Variants in SPOCK2 observed in about 807,000 individuals in gnomAD.
The protein encoded by SPOCK2 is testican-2.
Under a neutral mutation model 60.1 loss-of-function variants are expected in SPOCK2, and 39 were observed. The ratio of observed to expected loss-of-function variants is 0.65; its 90% CI spans 0.50 to 0.85. The LOEUF is 0.85. SPOCK2 is among the 40% of genes least tolerant of loss of function. SPOCK2 has a pLI of 0.00. For missense variants in SPOCK2, 523 were observed against 567.4 expected, an observed-to-expected ratio of 0.92 and a Z score of 0.80; for synonymous variants, 217 against 231.5, an observed-to-expected ratio of 0.94 and a Z score of 0.57.
chr10:72,075,850 G>C (rs1840708616), intron 1 of SPOCK2, among the ~76,000 whole-genome samples: 1 of 152,182 alleles, frequency 6.6e-6, no homozygotes, highest in Non-Finnish European at 1.5e-5. Context: ...GGGACGAGGA[G>C]AGCAGGGCCC....
At chr10:72,072,391 C>T (rs1252939659) in intron 3 of SPOCK2, 112 bp downstream of exon 3, 3 of 1,534,818 alleles carry the variant, frequency 2.0e-6, no homozygotes, top group African/African-American at 2.7e-5. Context: ...GAGTCCCATC[C>T]CCACCGGGGC....
chr10:72,070,222 C>T, intron 5 of SPOCK2, 90 bp downstream of exon 5: 1 of 1,309,672 alleles, frequency 7.6e-7, no homozygotes, highest in Non-Finnish European at 1.1e-6. Flanking sequence ...CCTGGAAACC[C>T]CTCCGGAGGC....
rs894645084 is a variant in SPOCK2, at chr10:72,060,133, T to C, written c.*2627A>G. Reference sequence around the variant, plus strand: ...CTGAGGAAGGACCGATCTGCAACCTTGCTCATGAGGAAACCTTAACCTTGT... The same window carrying C: ...CTGAGGAAGGACCGATCTGCAACCTCGCTCATGAGGAAACCTTAACCTTGT... On this transcript the variant is annotated 3_prime_UTR_variant, in exon 11 of 11. Coordinates refer to ENST00000373109, the MANE Select transcript of SPOCK2 (RefSeq NM_001244950.2). 1 of 152,162 alleles carries C rather than the reference T, an allele frequency of 6.6e-6. No individual in the cohort carries two copies. The highest frequency in any genetic ancestry group is 2.4e-5 in the African/African-American group (1 of 41,426). The allele number at this position is 152,162 out of a possible 1,614,324, so 9.4% of individuals were successfully genotyped here.
At chr10:72,068,326 G>A in intron 5 of SPOCK2, 25 bp from the exon 6 acceptor site, 1 of 1,579,186 alleles carries the variant, frequency 6.3e-7, no homozygotes, top group Non-Finnish European at 8.6e-7. Flanking sequence ...AGGTGGAACA[G>A]GGGACTGAGG....
chr10:72,088,037 G>A, intron 1 of SPOCK2, 103 bp downstream of exon 1: 1 of 1,417,924 alleles, frequency 7.1e-7, no homozygotes, highest in South Asian at 1.3e-5. Flanking sequence ...CCAGGCTGCG[G>A]AGCCTCGGGC....
intron 9 of SPOCK2, among the ~76,000 whole-genome samples, chr10:72,063,469 T>A (rs1317621328): frequency 6.6e-6 from 1 of 152,250 alleles, no homozygotes; most frequent in Non-Finnish European, 1.5e-5. Flanking sequence ...GGACAGCCAG[T>A]CTGACTTCAC....
rs1418636332 is a variant in SPOCK2, at chr10:72,087,921, T to C, written c.189+219A>G. Among the ~76,000 whole-genome samples, 1 of 145,450 alleles carries C rather than the reference T, an allele frequency of 6.9e-6. No homozygotes were observed. Among genetic ancestry groups the C allele is most frequent in the South Asian group, 2.2e-4 (1 of 4,452 alleles). ...CGTCGGGCAGGTGTGGAGCTGGGGG[T>C]CCCGGGGCTGGGGGGTCCCAGGGCC... is the stretch of plus-strand genomic sequence containing the variant. On this transcript the variant is annotated intron_variant, in intron 1 of 10. Transcript: ENST00000373109. The surrounding 1 kb of genome is among the most constrained non-coding windows in gnomAD (Gnocchi z 4.7).
chr10:72,064,435 G>A (rs1840540643), intron 8 of SPOCK2, among the ~76,000 whole-genome samples, 195 bp from the exon 9 acceptor site: 1 of 152,154 alleles, frequency 6.6e-6, no homozygotes, highest in Non-Finnish European at 1.5e-5. Flanking sequence ...CTCTATTTAG[G>A]GGAGCTCATT....
intron 8 of SPOCK2, among the ~76,000 whole-genome samples, chr10:72,064,714 G>A (rs1353445451): frequency 6.6e-6 from 1 of 152,082 alleles, no homozygotes; most frequent in African/African-American, 2.4e-5. Context: ...GCTTAGTTAT[G>A]TTTATTTTTT....
At chr10:72,077,067 C>T (rs1564549561) in intron 1 of SPOCK2, among the ~76,000 whole-genome samples, 1 of 152,162 alleles carries the variant, frequency 6.6e-6, no homozygotes, top group Non-Finnish European at 1.5e-5. Context: ...GTCACTTCCT[C>T]GTTGTTGAGG....
chr10:72,075,926 G>A (rs1360039135), intron 1 of SPOCK2, among the ~76,000 whole-genome samples: 1 of 152,180 alleles, frequency 6.6e-6, no homozygotes, highest in Non-Finnish European at 1.5e-5. Flanking sequence ...CGACCTCGAG[G>A]GGCTCAGTGC....
chr10:72,076,149 C>A (rs1031186951), intron 1 of SPOCK2, among the ~76,000 whole-genome samples: 3 of 151,976 alleles, frequency 2.0e-5, no homozygotes, highest in Admixed American at 6.5e-5. Context: ...AGAAGGGATA[C>A]GAGGAGAGTC....
At chr10:72,076,872 G>A (rs1290203119) in intron 1 of SPOCK2, among the ~76,000 whole-genome samples, 2 of 152,212 alleles carry the variant, frequency 1.3e-5, no homozygotes, top group Non-Finnish European at 2.9e-5. Flanking sequence ...GGCCAGAGAT[G>A]GCAAGACAAA....
chr10:72,072,590 A>C, intron 2 of SPOCK2, 42 bp from the exon 3 acceptor site: 1 of 1,613,096 alleles, frequency 6.2e-7, no homozygotes. Context: ...AAAGGCTAAG[A>C]TCCATATCCC....
chr10:72,069,448 G>C (rs546112176), intron 5 of SPOCK2, among the ~76,000 whole-genome samples: 1 of 150,444 alleles, frequency 6.6e-6, no homozygotes, highest in Admixed American at 6.6e-5. Context: ...TTCATTATCA[G>C]CACCTGCATT....
intron 1 of SPOCK2, among the ~76,000 whole-genome samples, chr10:72,076,020 C>CTGCTA (rs1840710993): frequency 6.6e-6 from 1 of 152,164 alleles, no homozygotes; most frequent in Admixed American, 6.5e-5. Context: ...CAAATCAAAG[C>CTGCTA]TGCTATGATG....
At chr10:72,064,326 C>CTCTA in intron 8 of SPOCK2, 86 bp from the exon 9 acceptor site, 1 of 1,393,178 alleles carries the variant, frequency 7.2e-7, no homozygotes, top group Non-Finnish European at 9.4e-7. Context: ...GAGACCCAGG[C>CTCTA]AGGGGCTCTG....
rs15256 is a variant in SPOCK2, at chr10:72,060,790, T to C, written c.*1970A>G. 0.26 allele frequency: 38,981 copies of C among 151,670 alleles called. 8,497 individuals carry two copies. The highest frequency in any genetic ancestry group is 0.6 in the African/African-American group (24,691 of 41,296). The allele number at this position is 151,670 out of a possible 1,614,324, so 9.4% of individuals were successfully genotyped here. A position where few individuals can be genotyped will look rare whatever the true frequency, so the allele number is the denominator to read the frequency against. ...GCGGAATGGGAAGCAGTTTATGGAG[T>C]TAAGTGGGGCTCTGCTATTTCCCCC... On this transcript the variant is annotated 3_prime_UTR_variant, in exon 11 of 11. Transcript: ENST00000373109.
rs1348954663 is a variant in SPOCK2, at chr10:72,061,297, T to G, written c.*1463A>C. On this transcript the variant is annotated 3_prime_UTR_variant, in exon 11 of 11. Transcript: ENST00000373109. Reference sequence around the variant, plus strand: ...GTGAGGTGTGGCCTCAGAGCCCGGCTGCACCTGTCCTGTTCCCTCTGACTT... The same window carrying G: ...GTGAGGTGTGGCCTCAGAGCCCGGCGGCACCTGTCCTGTTCCCTCTGACTT... The G allele has an allele frequency of 6.6e-6, 1 of 152,446 alleles. No individual in the cohort carries two copies. 9.4% of individuals were successfully genotyped at this position (152,446 alleles called of 1,614,324 possible). A position where few individuals can be genotyped will look rare whatever the true frequency, so the allele number is the denominator to read the frequency against.
Sources: allele counts gnomAD v4.1 joint callset (sites outside exome capture counted in the v4.1 genomes callset), GRCh38; gene constraint gnomAD v4.1.1; non-coding constraint Gnocchi (gnomAD v3.1); transcripts MANE v1.5; gene names NCBI Gene and HGNC (gene_info 2026-07-23, HGNC 2026-07-21).